The following L2HGDH variants were observed in gnomAD, a reference collection of about 807,000 sequenced individuals.
L2HGDH encodes the protein L-2-hydroxyglutarate dehydrogenase, also known as L-2-hydroxyglutarate dehydrogenase, mitochondrial.
In L2HGDH, 34 loss-of-function variants were observed where a neutral mutation model predicts 51.5. The ratio of observed to expected loss-of-function variants is 0.66; its 90% CI spans 0.50 to 0.88. The LOEUF (loss-of-function observed/expected upper bound fraction) is 0.88. L2HGDH is among the 40% of genes least tolerant of loss of function. L2HGDH has a pLI of 0.00. For synonymous variants in L2HGDH, 198 were observed against 197.9 expected, an observed-to-expected ratio of 1.00 and a Z score of -0.01; for missense variants, 558 against 571.9, an observed-to-expected ratio of 0.98 and a Z score of 0.25.
intron 6 of L2HGDH, among the ~76,000 whole-genome samples, chr14:50,276,022 C>T (rs1889961321): frequency 6.6e-6 from 1 of 152,200 alleles, no homozygotes. Flanking sequence ...GACTGCTATA[C>T]TGAATTGGAT....
Position 50,278,470 on chromosome 14 carries a change from T to G in L2HGDH, c.738+50A>C, listed in dbSNP as rs758201288. 7 of 1,225,846 alleles carry G rather than the reference T, an allele frequency of 5.7e-6. No individual in the cohort carries two copies. In the East Asian group the frequency reaches 1.7e-4, roughly 29 times the overall value. The allele number at this position is 1,225,846 out of a possible 1,614,324, so 75.9% of individuals were successfully genotyped here. A position where few individuals can be genotyped will look rare whatever the true frequency, so the allele number is the denominator to read the frequency against. On this transcript the variant is annotated intron_variant, in intron 6 of 9. Coordinates refer to ENST00000267436, the MANE Select transcript of L2HGDH (RefSeq NM_024884.3). ...CCCTGTGGGTTAATTTAATTTTTAA[T>G]AAAGGGGAGGGAAAGAAAGTAGCCA... is the stretch of plus-strand genomic sequence containing the variant.
intron 3 of L2HGDH, among the ~76,000 whole-genome samples, chr14:50,294,635 AT>A (rs1410512085): frequency 7.2e-5 from 11 of 152,144 alleles, no homozygotes; most frequent in Admixed American, 6.5e-5. Context: ...TGGCCTTCTT[AT>A]TTCTTCAGGA....
In L2HGDH at chr14:50,244,186, G is replaced by C. The variant is rs1362253819; in HGVS notation, c.*2872C>G. ...ATAGCAGCATGATTTATAGTCCCTT[G>C]GGTATATACCCAGTAATGGGATGGC... is the stretch of plus-strand genomic sequence containing the variant. On this transcript the variant is annotated 3_prime_UTR_variant, in exon 10 of 10. Transcript: ENST00000267436. The C allele has an allele frequency of 6.4e-6, 1 of 155,278 alleles. No individual in the cohort carries two copies. The highest frequency in any genetic ancestry group is 1.4e-5 in the Non-Finnish European group (1 of 71,024). 9.6% of individuals were successfully genotyped at this position (155,278 alleles called of 1,614,324 possible). A position where few individuals can be genotyped will look rare whatever the true frequency, so the allele number is the denominator to read the frequency against.
intron 4 of L2HGDH, among the ~76,000 whole-genome samples, chr14:50,288,339 C>T (rs965914660): frequency 3.3e-5 from 5 of 152,180 alleles, no homozygotes; most frequent in African/African-American, 4.8e-5. Flanking sequence ...TGGAGTCTCT[C>T]ATGCTAAAAT....
chr14:50,268,039 A>G, intron 7 of L2HGDH, 129 bp from the exon 8 acceptor site: 1 of 925,016 alleles, frequency 1.1e-6, no homozygotes, highest in East Asian at 2.5e-5. Context: ...CTGTACTCAG[A>G]TATACTTTTC....
chr14:50,282,075 C>A (rs1318032016), intron 5 of L2HGDH, among the ~76,000 whole-genome samples: 1 of 152,054 alleles, frequency 6.6e-6, no homozygotes, highest in Non-Finnish European at 1.5e-5. Flanking sequence ...CTCTTGACCT[C>A]ATGATCCGCC....
intron 4 of L2HGDH, among the ~76,000 whole-genome samples, chr14:50,286,755 G>C (rs140118987): frequency 6.6e-6 from 1 of 152,276 alleles, no homozygotes; most frequent in Non-Finnish European, 1.5e-5. Flanking sequence ...TGCCTCTTTT[G>C]TAAGTTATTT....
chr14:50,281,156 T>A (rs1320686422), intron 5 of L2HGDH, among the ~76,000 whole-genome samples: 1 of 152,024 alleles, frequency 6.6e-6, no homozygotes, highest in East Asian at 1.9e-4. Context: ...AAAAAAAAAA[T>A]TCTCCAGAAT....
At chr14:50,303,097 T>C (rs542400425) in intron 1 of L2HGDH, 80 bp from the exon 2 acceptor site, 48 of 872,286 alleles carry the variant, frequency 5.5e-5, no homozygotes, top group African/African-American at 5.3e-4. Flanking sequence ...TTTTCATCAA[T>C]GGACAATTAA....
chr14:50,308,308 T>C (rs562333612), intron 1 of L2HGDH, among the ~76,000 whole-genome samples: 3 of 151,658 alleles, frequency 2.0e-5, no homozygotes, highest in Non-Finnish European at 2.9e-5. Context: ...GAGAATTGCT[T>C]GAACCCAGGA....
intron 3 of L2HGDH, among the ~76,000 whole-genome samples, chr14:50,295,465 G>T (rs1391196609): frequency 6.6e-6 from 1 of 151,896 alleles, no homozygotes; most frequent in Non-Finnish European, 1.5e-5. Context: ...ATAGTGCAGT[G>T]GCCCAGTCAT....
chr14:50,292,388 C>G (rs1160453162), intron 4 of L2HGDH, among the ~76,000 whole-genome samples: 1 of 152,190 alleles, frequency 6.6e-6, no homozygotes, highest in Non-Finnish European at 1.5e-5. Flanking sequence ...AACGGAAGGC[C>G]TTACTCTACC....
At chr14:50,310,823 G>A (rs1442061921) in intron 1 of L2HGDH, among the ~76,000 whole-genome samples, 1 of 151,458 alleles carries the variant, frequency 6.6e-6, no homozygotes, top group South Asian at 2.1e-4. Flanking sequence ...AATCACAATC[G>A]CTATTACTGG....
intron 3 of L2HGDH, among the ~76,000 whole-genome samples, chr14:50,300,225 T>C (rs536424419): frequency 6.6e-6 from 1 of 152,288 alleles, no homozygotes; most frequent in East Asian, 1.9e-4. Context: ...ATTTAAGTGT[T>C]TGCATCATAA....
intron 1 of L2HGDH, among the ~76,000 whole-genome samples, chr14:50,308,710 A>G (rs1475028501): frequency 6.6e-6 from 1 of 152,222 alleles, no homozygotes; most frequent in Non-Finnish European, 1.5e-5. Flanking sequence ...TTTCTTAAAA[A>G]GAAACTAAAC....
chr14:50,245,707 A>G lies in L2HGDH; in HGVS notation c.*1351T>C. 9 of 985,186 alleles carry G rather than the reference A, an allele frequency of 9.1e-6. No homozygotes were observed. Among genetic ancestry groups the G allele is most frequent in the Non-Finnish European group, 1.1e-5 (9 of 829,682 alleles). 61.0% of individuals were successfully genotyped at this position (985,186 alleles called of 1,614,324 possible). ...TATGAGAGACCAAACGAGCTTAGGT[A>G]GCGTAATGCTAAAAAATTGATTTAA... On this transcript the variant is annotated 3_prime_UTR_variant, in exon 10 of 10. Transcript: ENST00000267436.
intron 3 of L2HGDH, among the ~76,000 whole-genome samples, chr14:50,296,266 A>G (rs2030038202): frequency 1.4e-5 from 2 of 144,620 alleles, no homozygotes; most frequent in Admixed American, 7.1e-5. Flanking sequence ...CCCAGCTACT[A>G]GTGGGCTGAG....
In L2HGDH at chr14:50,246,918, T is replaced by G; in HGVS notation, c.*140A>C. Reference sequence around the variant, plus strand: ...TTGTAGAAAATTATTATTTCTATGTTACATCATTTTAACAATGCAGTGGTT... The same window carrying G: ...TTGTAGAAAATTATTATTTCTATGTGACATCATTTTAACAATGCAGTGGTT... On this transcript the variant is annotated 3_prime_UTR_variant, in exon 10 of 10. Transcript: ENST00000267436. 1 of 1,334,658 alleles carries G rather than the reference T, an allele frequency of 7.5e-7. No homozygotes were observed. 82.7% of individuals were successfully genotyped at this position (1,334,658 alleles called of 1,614,324 possible).
At chr14:50,292,411 C>T (rs1252049866) in intron 4 of L2HGDH, among the ~76,000 whole-genome samples, 1 of 152,194 alleles carries the variant, frequency 6.6e-6, no homozygotes, top group Non-Finnish European at 1.5e-5. Flanking sequence ...ATATTCAGGC[C>T]TATTAAAAAG....
Sources: gnomAD v4.1 joint callset for allele counts (sites outside exome capture counted in the v4.1 genomes callset) on GRCh38, gnomAD v4.1.1 for gene constraint, MANE v1.5 for transcripts, NCBI Gene and HGNC (gene_info 2026-07-23, HGNC 2026-07-21) for gene names.